ZSCAN1: variants seen among roughly 807,000 people sequenced by gnomAD.
The protein encoded by ZSCAN1 is zinc finger and SCAN domain containing 1, also known as zinc finger and SCAN domain-containing protein 1.
A neutral mutation model predicts 23.8 loss-of-function variants in ZSCAN1; 23 were observed. The ratio of observed to expected loss-of-function variants is 0.97; its 90% CI spans 0.70 to 1.37. The LOEUF (loss-of-function observed/expected upper bound fraction) is 1.37. Ranked by LOEUF, ZSCAN1 falls within the 40% of genes most tolerant of loss-of-function variation. ZSCAN1 has a pLI of 0.00. For missense variants in ZSCAN1, 575 were observed against 554.0 expected, an observed-to-expected ratio of 1.04 and a Z score of -0.38; for synonymous variants, 236 against 232.3, an observed-to-expected ratio of 1.02 and a Z score of -0.15.
intron 1 of ZSCAN1, among the ~76,000 whole-genome samples, chr19:58,034,520 C>A (rs762472431): frequency 1.5e-3 from 230 of 152,124 alleles, no homozygotes; most frequent in Non-Finnish European, 2.4e-3. Context: ...CCAAACACCG[C>A]TCGGCCGCGT....
In ZSCAN1 at chr19:58,045,550, G is replaced by T. The variant is rs1479180391; in HGVS notation, c.465+5006G>T. The T allele has an allele frequency of 3.0e-6, 4 of 1,340,284 alleles. No homozygotes were observed. In the Admixed American group the frequency reaches 5.0e-5, roughly 17 times the overall value. The allele number at this position is 1,340,284 out of a possible 1,614,324, so 83.0% of individuals were successfully genotyped here. On this transcript the variant is annotated intron_variant, in intron 4 of 5. Transcript: ENST00000282326. The surrounding 1 kb of genome is among the most constrained non-coding windows in gnomAD (Gnocchi z 4.3). ...GAGCTGACCCTTGACAACCTGACAC[G>T]GCCGCAGCTGGTGGCCCTGTGCAAG...
At chr19:58,041,424 CGAG>C (rs2073788862) in intron 4 of ZSCAN1, among the ~76,000 whole-genome samples, 1 of 152,192 alleles carries the variant, frequency 6.6e-6, no homozygotes, top group African/African-American at 2.4e-5. Flanking sequence ...GACCTCCACA[CGAG>C]GCACTACACC....
rs1350923973 is a variant in ZSCAN1, at chr19:58,038,163, C to T, written c.327C>T (p.Ala109=). The stretch of plus-strand genomic sequence containing the variant: ...AGGGCCCCCGAAGCTGCAGGGAGGC[C>T]GCCAGCCTGGTGGAGGACCTCACAC... The part of the protein sequence containing the change: ...QSQGPRSCRE[A]ASLVEDLTQM... Residue 109 remains alanine, a synonymous_variant, in exon 3 of 6, where the codon GCC becomes GCT. Coordinates refer to ENST00000282326, the MANE Select transcript of ZSCAN1 (RefSeq NM_182572.4). 3.4e-5 allele frequency: 55 copies of T among 1,608,286 alleles called. No homozygotes were observed. Among genetic ancestry groups the T allele is most frequent in the Non-Finnish European group, 4.6e-5 (54 of 1,178,800 alleles).
At chr19:58,044,911 C>G in intron 4 of ZSCAN1, 1 of 846,554 alleles carries the variant, frequency 1.2e-6, no homozygotes, top group Non-Finnish European at 2.0e-6. Context: ...CCGCGGCTGG[C>G]ACTCTTCGCG....
chr19:58,038,717 A>G (rs1211259991), intron 3 of ZSCAN1, among the ~76,000 whole-genome samples: 1 of 152,206 alleles, frequency 6.6e-6, no homozygotes, highest in Non-Finnish European at 1.5e-5. Context: ...CTCTCCCCTG[A>G]CAGGGCTTTG....
intron 3 of ZSCAN1, among the ~76,000 whole-genome samples, chr19:58,038,786 G>T (rs960312257): frequency 6.6e-6 from 1 of 152,206 alleles, no homozygotes; most frequent in African/African-American, 2.4e-5. Flanking sequence ...CCAGGGCCCA[G>T]TCCCATGAGT....
chr19:58,047,033 A>G lies in ZSCAN1; in HGVS notation c.466-5457A>G, dbSNP rs1429607064. 6.6e-6 allele frequency among the ~76,000 whole-genome samples: 1 copy of G among 152,192 alleles called. No homozygotes were observed. Among genetic ancestry groups the G allele is most frequent in the African/African-American group, 2.4e-5 (1 of 41,444 alleles). On this transcript the variant is annotated intron_variant, in intron 4 of 5. Coordinates refer to ENST00000282326, the MANE Select transcript of ZSCAN1 (RefSeq NM_182572.4). The surrounding 1 kb of genome is among the most constrained non-coding windows in gnomAD (Gnocchi z 4.9). ...TCCTGGCTCCAGAGGCGGCTGGGCC[A>G]AGGCAGGAAGGTGCCCCCCTGTGTG...
intron 4 of ZSCAN1, among the ~76,000 whole-genome samples, chr19:58,043,859 G>A (rs1360039345): frequency 2.0e-5 from 3 of 151,878 alleles, no homozygotes; most frequent in Non-Finnish European, 4.4e-5. Context: ...TGTAGATGGG[G>A]TTTCACTATG....
Position 58,038,102 on chromosome 19 carries a change from C to T in ZSCAN1, c.266C>T (p.Ala89Val), listed in dbSNP as rs546837948. 8.7e-6 allele frequency: 14 copies of T among 1,610,950 alleles called. No individual in the cohort carries two copies. The highest frequency in any genetic ancestry group is 2.0e-4 in the Middle Eastern group (1 of 4,988). ...CTGGTGCTGGAGCAGTTCCTGGGCG[C>T]GCTGCCCAGCAAGATGCGGACCTGG... ...ELLVLEQFLG[A>V]LPSKMRTWVQ... Residue 89 changes from alanine to valine, a missense_variant, in exon 3 of 6, where the codon GCG becomes GTG. Ala to Val is a moderately conservative substitution (Grantham distance 64, BLOSUM62 0). Transcript: ENST00000282326.
At chr19:58,046,566 C>T in intron 4 of ZSCAN1, 1 of 858,802 alleles carries the variant, frequency 1.2e-6, no homozygotes, top group South Asian at 1.3e-5. Context: ...AAAGCAAGCT[C>T]ACCAGCCTGG....
intron 3 of ZSCAN1, 31 bp downstream of exon 3, chr19:58,038,237 G>A (rs778161363): frequency 7.0e-6 from 11 of 1,574,554 alleles, no homozygotes; most frequent in Admixed American, 5.4e-5. Flanking sequence ...GCCCCGGGCC[G>A]GGCCAGGGGG....
intron 4 of ZSCAN1, among the ~76,000 whole-genome samples, chr19:58,041,938 A>C (rs893996780): frequency 6.6e-6 from 1 of 152,202 alleles, no homozygotes; most frequent in African/African-American, 2.4e-5. Context: ...TGGGAGGCTG[A>C]GGCAGGCGGA....
chr19:58,038,294 C>T, intron 3 of ZSCAN1, 88 bp downstream of exon 3: 5 of 1,504,224 alleles, frequency 3.3e-6, no homozygotes, highest in Non-Finnish European at 4.5e-6. Context: ...GCCCACATCG[C>T]TCCCACCCCT....
At chr19:58,039,701 G>A (rs1376770153) in intron 3 of ZSCAN1, among the ~76,000 whole-genome samples, 1 of 151,352 alleles carries the variant, frequency 6.6e-6, no homozygotes, top group Admixed American at 6.6e-5. Flanking sequence ...AACCCAGGAG[G>A]CGGAGCTTGC....
chr19:58,043,312 GC>G, intron 4 of ZSCAN1, among the ~76,000 whole-genome samples: 1 of 152,382 alleles, frequency 6.6e-6, no homozygotes, highest in Middle Eastern at 3.4e-3. Flanking sequence ...TACACGCACA[GC>G]CCATGGCTCC....
At chr19:58,044,220 C>G (rs992339442) in intron 4 of ZSCAN1, among the ~76,000 whole-genome samples, 1 of 151,810 alleles carries the variant, frequency 6.6e-6, no homozygotes, top group Non-Finnish European at 1.5e-5. Flanking sequence ...TGCAGTGAGC[C>G]GAGATCACGC....
rs142150648 is a variant in ZSCAN1 at position 58,053,829 on chromosome 19, C to T, written c.1005C>T (p.Leu335=). ...CGKVFLHNSV[L]TEHGKIHLLE... is the part of the protein sequence containing the mutation. ...AGGTCTTCCTGCACAACTCCGTCCT[C>T]ACTGAGCATGGCAAGATCCACCTGC... The change falls in exon 6 of 6, where the codon CTC becomes CTT. Residue 335 remains leucine (L), a synonymous_variant. Transcript: ENST00000282326. This position sits in a 1 kb window ranked among gnomAD's most constrained non-coding sequence, Gnocchi z 5.8. 24 of 1,614,036 alleles carry T rather than the reference C, an allele frequency of 1.5e-5. No homozygotes were observed. In the African/African-American group the frequency reaches 2.8e-4, roughly 19 times the overall value.
At chr19:58,055,217 T>A (rs1236856898), downstream of ZSCAN1, among the ~76,000 whole-genome samples, 1 of 152,230 alleles carries the variant, frequency 6.6e-6, no homozygotes, top group East Asian at 1.9e-4. Context: ...CTTACCCACG[T>A]CACATCCGCC....
intron 2 of ZSCAN1, 100 bp from the exon 3 acceptor site, chr19:58,037,628 G>A: frequency 3.7e-6 from 2 of 545,930 alleles, no homozygotes; most frequent in Non-Finnish European, 3.0e-6. Context: ...GTTCCTTGGG[G>A]TGCTGGAGGT....
Sources: gnomAD v4.1 joint callset for allele counts (sites outside exome capture counted in the v4.1 genomes callset) on GRCh38, gnomAD v4.1.1 for gene constraint, Gnocchi (gnomAD v3.1) non-coding constraint, MANE v1.5 for transcripts, NCBI Gene and HGNC (gene_info 2026-07-23, HGNC 2026-07-21) for gene names.